NKAIN2: variants seen among roughly 807,000 people sequenced by gnomAD.
NKAIN2 encodes the protein sodium/potassium transporting ATPase interacting 2.
Under a neutral mutation model 32.6 loss-of-function variants are expected in NKAIN2, and 14 were observed. That is an observed-to-expected ratio of 0.43 (90% CI 0.28 to 0.67). The LOEUF (loss-of-function observed/expected upper bound fraction) is 0.67. NKAIN2 is among the 30% of genes least tolerant of loss of function. The pLI is 0.17. For synonymous variants in NKAIN2, 80 were observed against 87.2 expected (o/e 0.92, Z 0.46); for missense variants, 198 against 258.3 (o/e 0.77, Z 1.60).
At chr6:124,766,682 C>T (rs1260241358) in intron 4 of NKAIN2, among the ~76,000 whole-genome samples, 2 of 152,024 alleles carry the variant, frequency 1.3e-5, no homozygotes, top group Non-Finnish European at 2.9e-5. Flanking sequence ...GTTTCTGGCA[C>T]GATAGAATAT....
chr6:124,627,439 A>T (rs1783397440), intron 3 of NKAIN2, among the ~76,000 whole-genome samples: 1 of 152,144 alleles, frequency 6.6e-6, no homozygotes, highest in Non-Finnish European at 1.5e-5. Flanking sequence ...GCTTTGGAGT[A>T]AGACAAATAA....
At chr6:124,528,034 A>C (rs887406777) in intron 3 of NKAIN2, among the ~76,000 whole-genome samples, 1 of 152,196 alleles carries the variant, frequency 6.6e-6, no homozygotes, top group African/African-American at 2.4e-5. Context: ...AAGGAGTTGA[A>C]ACTCTATCTG....
intron 1 of NKAIN2, among the ~76,000 whole-genome samples, chr6:124,092,093 C>T (rs2114929822): frequency 6.6e-6 from 1 of 152,146 alleles, no homozygotes; most frequent in South Asian, 2.1e-4. Flanking sequence ...CCTTTCACCT[C>T]AAGTAAGTTA....
chr6:124,547,853 T>C (rs567880595), intron 3 of NKAIN2, among the ~76,000 whole-genome samples: 1 of 152,122 alleles, frequency 6.6e-6, no homozygotes, highest in African/African-American at 2.4e-5. Flanking sequence ...TCTAACACTA[T>C]TGCCTAAACT....
At chr6:124,465,183 G>A (rs1374135524) in intron 3 of NKAIN2, among the ~76,000 whole-genome samples, 2 of 152,024 alleles carry the variant, frequency 1.3e-5, no homozygotes, top group Non-Finnish European at 2.9e-5. Flanking sequence ...ACATGCACAT[G>A]TATGTTTATT....
chr6:124,411,022 T>C (rs1446485201), intron 3 of NKAIN2, among the ~76,000 whole-genome samples: 3 of 151,872 alleles, frequency 2.0e-5, no homozygotes, highest in Non-Finnish European at 4.4e-5. Context: ...TTTTTTGTTT[T>C]CCATTTGCTT....
At chr6:124,068,213 AGTTT>A (rs897435802) in intron 1 of NKAIN2, among the ~76,000 whole-genome samples, 10 of 152,254 alleles carry the variant, frequency 6.6e-5, no homozygotes, top group Non-Finnish European at 1.2e-4. Context: ...AAGTAAAAGA[AGTTT>A]GTTTTAGTAG....
At chr6:124,449,755 A>G (rs1776028017) in intron 3 of NKAIN2, among the ~76,000 whole-genome samples, 1 of 152,080 alleles carries the variant, frequency 6.6e-6, no homozygotes, top group Non-Finnish European at 1.5e-5. Context: ...GAAGGCATTT[A>G]GTATAATGTA....
At chr6:124,038,295 A>T (rs1164370811) in intron 1 of NKAIN2, among the ~76,000 whole-genome samples, 1 of 151,874 alleles carries the variant, frequency 6.6e-6, no homozygotes, top group Non-Finnish European at 1.5e-5. Flanking sequence ...GCTCACTGCA[A>T]CCTCTGCCTC....
intron 1 of NKAIN2, among the ~76,000 whole-genome samples, chr6:124,266,626 T>C (rs148959922): frequency 2.3e-3 from 345 of 152,168 alleles, no homozygotes; most frequent in African/African-American, 7.9e-3. Flanking sequence ...TTGGCTAGCC[T>C]CTCCCTAAGA....
intron 1 of NKAIN2, among the ~76,000 whole-genome samples, chr6:123,895,118 T>C (rs1184435649): frequency 1.3e-5 from 2 of 151,434 alleles, no homozygotes; most frequent in East Asian, 1.9e-4. Flanking sequence ...GCCTCCTCCT[T>C]CTTACAAACT....
intron 1 of NKAIN2, among the ~76,000 whole-genome samples, chr6:124,233,485 T>G (rs1399608775): frequency 1.3e-5 from 2 of 152,178 alleles, no homozygotes. Flanking sequence ...AAATCTTGTC[T>G]GCAAACCATC....
chr6:123,862,185 G>A (rs1314186352), intron 1 of NKAIN2, among the ~76,000 whole-genome samples: 1 of 152,042 alleles, frequency 6.6e-6, no homozygotes, highest in Non-Finnish European at 1.5e-5. Flanking sequence ...TTGTTATAGT[G>A]GGGAATGAAT....
At chr6:124,533,763 C>G (rs1036433457) in intron 3 of NKAIN2, among the ~76,000 whole-genome samples, 1 of 152,094 alleles carries the variant, frequency 6.6e-6, no homozygotes, top group East Asian at 1.9e-4. Flanking sequence ...AATGAGTGGC[C>G]TAAGTAACAA....
rs569541583 is a variant in NKAIN2, at chr6:124,196,324, A to G, written c.55-86681A>G. Among the ~76,000 whole-genome samples the G allele has an allele frequency of 3.3e-5, 5 of 152,230 alleles. No individual in the cohort carries two copies. In the East Asian group the frequency reaches 5.8e-4, roughly 18 times the overall value. The stretch of plus-strand genomic sequence containing the variant: ...AAAGAACATACATTGACTGCTTTCC[A>G]GGTGGCATGTACTGTGCTTATTCTT... On this transcript the variant is annotated intron_variant, in intron 1 of 6. Coordinates refer to ENST00000368417, the MANE Select transcript of NKAIN2 (RefSeq NM_001040214.3).
intron 1 of NKAIN2, among the ~76,000 whole-genome samples, chr6:123,872,798 T>C (rs1337636375): frequency 6.6e-6 from 1 of 152,216 alleles, no homozygotes; most frequent in Admixed American, 6.5e-5. Flanking sequence ...TGTTTTTAAA[T>C]GCTTGATACA....
chr6:124,323,646 A>G (rs1306349363), intron 2 of NKAIN2, among the ~76,000 whole-genome samples: 1 of 151,996 alleles, frequency 6.6e-6, no homozygotes, highest in Non-Finnish European at 1.5e-5. Flanking sequence ...CCATTTTTCT[A>G]TATGTCAGTC....
intron 4 of NKAIN2, among the ~76,000 whole-genome samples, chr6:124,763,963 C>T (rs1456953264): frequency 6.6e-6 from 1 of 152,174 alleles, no homozygotes; most frequent in Non-Finnish European, 1.5e-5. Context: ...TATACATATT[C>T]TTAAGGACCT....
intron 3 of NKAIN2, among the ~76,000 whole-genome samples, chr6:124,521,454 T>C (rs1779117230): frequency 6.6e-6 from 1 of 152,208 alleles, no homozygotes; most frequent in Admixed American, 6.5e-5. Flanking sequence ...CATTCATTTA[T>C]TTAAATGTTC....
Sources: gnomAD v4.1 joint callset for allele counts (sites outside exome capture counted in the v4.1 genomes callset) on GRCh38, gnomAD v4.1.1 for gene constraint, MANE v1.5 for transcripts, NCBI Gene and HGNC (gene_info 2026-07-23, HGNC 2026-07-21) for gene names.